The following TOM1L1 variants were observed in gnomAD, a reference collection of about 807,000 sequenced individuals.
TOM1L1 encodes target of myb1 like 1 membrane trafficking protein.
In TOM1L1, 64 loss-of-function variants were observed where a neutral mutation model predicts 63.4. The observed-to-expected ratio is 1.01, with a 90% confidence interval of 0.83 to 1.24. The LOEUF (loss-of-function observed/expected upper bound fraction) is 1.24, where lower values mean the gene tolerates loss of function less well. Among genes scored for constraint, TOM1L1 ranks in the 50% most tolerant of loss-of-function variants. The pLI is 0.00. For missense variants in TOM1L1, 536 were observed against 567.0 expected (o/e 0.95, Z 0.55); for synonymous variants, 166 against 194.4 (o/e 0.85, Z 1.22).
intron 11 of TOM1L1, among the ~76,000 whole-genome samples, chr17:54,942,644 G>C (rs1157554917): frequency 6.6e-6 from 1 of 151,952 alleles, no homozygotes; most frequent in Non-Finnish European, 1.5e-5. Flanking sequence ...CTCTCTTTTT[G>C]TTTTTAGTTT....
intron 7 of TOM1L1, 46 bp downstream of exon 7, chr17:54,915,908 T>C (rs2048580388): frequency 1.4e-6 from 2 of 1,468,204 alleles, no homozygotes. Flanking sequence ...TCTCTTAAAG[T>C]TATTCTCTAA....
intron 12 of TOM1L1, among the ~76,000 whole-genome samples, chr17:54,947,895 A>T (rs2049145857): frequency 6.6e-6 from 1 of 151,774 alleles, no homozygotes; most frequent in East Asian, 1.9e-4. Context: ...TGTAGCCCAG[A>T]CCCCTTCTCT....
intron 11 of TOM1L1, among the ~76,000 whole-genome samples, chr17:54,944,136 C>T (rs2049079059): frequency 6.6e-6 from 1 of 151,724 alleles, no homozygotes; most frequent in African/African-American, 2.4e-5. Flanking sequence ...GCTTACAACC[C>T]TGAGATATAT....
At chr17:54,906,667 T>C in intron 3 of TOM1L1, 1 of 680,860 alleles carries the variant, frequency 1.5e-6, no homozygotes, top group Admixed American at 6.3e-5. Flanking sequence ...GAGAATGTTC[T>C]ATGTTGGTTT....
chr17:54,951,628 A>ATC (rs2049241925), intron 14 of TOM1L1, among the ~76,000 whole-genome samples: 2 of 152,382 alleles, frequency 1.3e-5, no homozygotes, highest in South Asian at 4.1e-4. Context: ...CAGGAACCTT[A>ATC]GACAAAAACC....
chr17:54,915,812 A>T lies in TOM1L1; in HGVS notation c.670A>T (p.Met224Leu). The T allele has an allele frequency of 1.2e-6, 2 of 1,613,904 alleles. No individual in the cohort carries two copies. Among genetic ancestry groups the T allele is most frequent in the Non-Finnish European group, 1.7e-6 (2 of 1,179,896 alleles). Reference sequence around the variant, plus strand: ...TGTGCGAGTGATGTCCGCCATATTGATGGAGAATACTCCTGGGTCTGAAAA... The same window carrying T: ...TGTGCGAGTGATGTCCGCCATATTGTTGGAGAATACTCCTGGGTCTGAAAA... ...MNVRVMSAIL[M>L]ENTPGSENHE... Residue 224 changes from methionine to leucine, a missense_variant, in exon 7 of 16, where the codon ATG (methionine) becomes TTG (leucine). Met to Leu is a conservative substitution (Grantham distance 15). Coordinates refer to ENST00000575882, the MANE Select transcript of TOM1L1 (RefSeq NM_005486.3).
chr17:54,910,862 T>C (rs1372463893), intron 3 of TOM1L1, among the ~76,000 whole-genome samples: 1 of 152,228 alleles, frequency 6.6e-6, no homozygotes, highest in Non-Finnish European at 1.5e-5. Context: ...TTAAACGCTA[T>C]ATGCTGCCGC....
rs1598010032 is a variant in TOM1L1 at position 54,913,608 on chromosome 17, A to T, written c.373-140A>T. ...TTGAACCCAGGAGGCGGAGATTGCA[A>T]TGAGCAGAGATTGTGCCATTGCACT... On this transcript the variant is annotated intron_variant, in intron 4 of 15. Coordinates refer to ENST00000575882, the MANE Select transcript of TOM1L1 (RefSeq NM_005486.3). 4.7e-6 allele frequency: 4 copies of T among 857,216 alleles called. No homozygotes were observed. In the East Asian group the frequency reaches 1.4e-4, roughly 30 times the overall value. The allele number at this position is 857,216 out of a possible 1,614,324, so 53.1% of individuals were successfully genotyped here.
At chr17:54,927,901 C>A (rs1016695720) in intron 7 of TOM1L1, among the ~76,000 whole-genome samples, 4 of 152,162 alleles carry the variant, frequency 2.6e-5, no homozygotes, top group Non-Finnish European at 5.9e-5. Context: ...CCATCTGTCT[C>A]TTGAAAGGGC....
Position 54,950,062 on chromosome 17 carries a change from C to A in TOM1L1, c.1306C>A (p.Leu436Ile). The change falls in exon 14 of 16, where the codon CTC becomes ATC. Residue 436 changes from leucine (L) to isoleucine (I), a missense_variant. By Grantham distance (5) the Leu-to-Ile change is conservative (BLOSUM62 2). Transcript: ENST00000575882. ...SNHPAMTKSD[L>I]QPPNYYEVME... ...GCCCAAAGCGATGACAAAAAGTGATCTCCAGCCACCTAATTACTACGAGGT... is the reference window on the plus strand; with the variant it reads ...GCCCAAAGCGATGACAAAAAGTGATATCCAGCCACCTAATTACTACGAGGT... 6.2e-7 allele frequency: 1 copy of A among 1,613,948 alleles called. No homozygotes were observed. Among genetic ancestry groups the A allele is most frequent in the East Asian group, 2.2e-5 (1 of 44,854 alleles).
At chr17:54,944,382 G>A (rs549492216) in intron 11 of TOM1L1, among the ~76,000 whole-genome samples, 8 of 151,682 alleles carry the variant, frequency 5.3e-5, no homozygotes, top group Non-Finnish European at 8.8e-5. Context: ...CCCAGGAGGC[G>A]GAGGTTGCAG....
intron 7 of TOM1L1, among the ~76,000 whole-genome samples, chr17:54,919,985 G>GATTT (rs377199384): frequency 0.25 from 37,428 of 150,696 alleles, 4,846 homozygotes; most frequent in Non-Finnish European, 0.28. Flanking sequence ...GTTTTTTATT[G>GATTT]ATTTATTTAT....
At chr17:54,919,423 T>G (rs1346550549) in intron 7 of TOM1L1, among the ~76,000 whole-genome samples, 1 of 152,210 alleles carries the variant, frequency 6.6e-6, no homozygotes, top group East Asian at 1.9e-4. Context: ...AATCCTTCAG[T>G]AAAAACACAC....
At chr17:54,913,043 G>T (rs899458657) in intron 4 of TOM1L1, among the ~76,000 whole-genome samples, 8 of 152,102 alleles carry the variant, frequency 5.3e-5, no homozygotes, top group African/African-American at 1.9e-4. Flanking sequence ...TATTTTATCT[G>T]TGTCAAATAG....
intron 8 of TOM1L1, among the ~76,000 whole-genome samples, chr17:54,931,245 A>G (rs1598032592): frequency 6.6e-6 from 1 of 152,268 alleles, no homozygotes; most frequent in African/African-American, 2.4e-5. Context: ...TAACTTTTCT[A>G]AGATTTAAGT....
At chr17:54,949,113 C>G (rs1440710644) in intron 12 of TOM1L1, among the ~76,000 whole-genome samples, 2 of 151,984 alleles carry the variant, frequency 1.3e-5, no homozygotes, top group Non-Finnish European at 2.9e-5. Flanking sequence ...GATCATAACT[C>G]ACTGCAGCTT....
intron 12 of TOM1L1, among the ~76,000 whole-genome samples, chr17:54,947,804 A>G (rs536671503): frequency 6.6e-6 from 1 of 152,260 alleles, no homozygotes; most frequent in Admixed American, 6.5e-5. Context: ...TTTTCTATCT[A>G]CATTCATTCC....
chr17:54,948,669 T>A (rs1320217736), intron 12 of TOM1L1, among the ~76,000 whole-genome samples: 1 of 152,258 alleles, frequency 6.6e-6, no homozygotes, highest in Non-Finnish European at 1.5e-5. Flanking sequence ...CATTTGTTGA[T>A]TGTCTGAGTC....
chr17:54,919,174 T>C (rs1289545589), intron 7 of TOM1L1, among the ~76,000 whole-genome samples: 2 of 152,140 alleles, frequency 1.3e-5, no homozygotes. Flanking sequence ...ATTTCAAAGG[T>C]AGTAGTCCAC....
Sources: allele counts gnomAD v4.1 joint callset (sites outside exome capture counted in the v4.1 genomes callset), GRCh38; gene constraint gnomAD v4.1.1; transcripts MANE v1.5; gene names NCBI Gene and HGNC (gene_info 2026-07-23, HGNC 2026-07-21).